The following DGCR2 variants were observed in gnomAD, a reference collection of about 807,000 sequenced individuals.
DGCR2 encodes the protein integral membrane protein DGCR2/IDD.
Under a neutral mutation model 51.6 loss-of-function variants are expected in DGCR2, and 24 were observed. The observed-to-expected ratio is 0.47, with a 90% CI of 0.34 to 0.65. The LOEUF (loss-of-function observed/expected upper bound fraction) is 0.65. Among genes scored for constraint, DGCR2 ranks in the 30% least tolerant of loss-of-function variants. The pLI is 0.01. For synonymous variants in DGCR2, 340 were observed against 315.4 expected, an observed-to-expected ratio of 1.08 and a Z score of -0.82; for missense variants, 765 against 772.1, an observed-to-expected ratio of 0.99 and a Z score of 0.11.
chr22:19,066,536 A>G (rs1056388607), intron 3 of DGCR2, among the ~76,000 whole-genome samples: 3 of 152,240 alleles, frequency 2.0e-5, no homozygotes, highest in African/African-American at 7.2e-5. Context: ...CAATGCATGC[A>G]GCCTGACCAC....
chr22:19,106,499 G>A (rs1328875031), intron 1 of DGCR2, among the ~76,000 whole-genome samples: 10 of 152,248 alleles, frequency 6.6e-5, no homozygotes, highest in East Asian at 3.9e-4. Flanking sequence ...CAGCACCAAC[G>A]ATGCCAGCAT....
At chr22:19,101,419 C>T (rs1439824541) in intron 1 of DGCR2, among the ~76,000 whole-genome samples, 2 of 151,636 alleles carry the variant, frequency 1.3e-5, no homozygotes, top group African/African-American at 4.8e-5. Context: ...CATGGGCAAC[C>T]AAGTAATGGT....
Position 19,108,569 on chromosome 22 carries a change from T to TAAAAAAAAAA in DGCR2, c.79+13549_79+13558dup, listed in dbSNP as rs55803042. On this transcript the variant is annotated intron_variant, in intron 1 of 9. Coordinates refer to ENST00000263196, the MANE Select transcript of DGCR2 (RefSeq NM_005137.3). ...CAGCCTGGGCAACAGAGAATTTATC[T>TAAAAAAAAAA]AAAAAAAAAAAAAAAAAAAAAAAAA... Among the ~76,000 whole-genome samples the TAAAAAAAAAA allele has an allele frequency of 4.7e-4, 43 of 90,762 alleles. 1 individual carries two copies. The highest frequency in any genetic ancestry group is 1.3e-3 in the African/African-American group (35 of 27,024). The allele number at this position is 90,762 out of a possible 152,430, so 59.5% of individuals were successfully genotyped here. A position where few individuals can be genotyped will look rare whatever the true frequency, so the allele number is the denominator to read the frequency against.
intron 2 of DGCR2, among the ~76,000 whole-genome samples, chr22:19,074,374 C>A (rs545776677): frequency 6.7e-5 from 10 of 149,270 alleles, no homozygotes; most frequent in Non-Finnish European, 1.5e-4. Flanking sequence ...GAGCCGAGAT[C>A]GCGCCACTCC....
intron 7 of DGCR2, among the ~76,000 whole-genome samples, chr22:19,042,316 G>A (rs987780228): frequency 6.6e-6 from 1 of 152,230 alleles, no homozygotes; most frequent in African/African-American, 2.4e-5. Context: ...TGTGGCTGGG[G>A]AGCGGCCCTC....
chr22:19,110,567 T>C (rs140923054), intron 1 of DGCR2, among the ~76,000 whole-genome samples: 7 of 152,014 alleles, frequency 4.6e-5, no homozygotes, highest in South Asian at 2.1e-4. Context: ...ATGGCACATG[T>C]ATGCCTATGT....
chr22:19,118,425 C>A (rs956105623), intron 1 of DGCR2, among the ~76,000 whole-genome samples: 2 of 150,164 alleles, frequency 1.3e-5, no homozygotes, highest in African/African-American at 4.9e-5. Flanking sequence ...AGCCAAGGTG[C>A]TGTGTTCACT....
At chr22:19,071,769 A>G (rs1601232897) in intron 2 of DGCR2, among the ~76,000 whole-genome samples, 1 of 152,254 alleles carries the variant, frequency 6.6e-6, no homozygotes, top group East Asian at 1.9e-4. Flanking sequence ...ATTACACAGA[A>G]TAGTACTACA....
At chr22:19,090,921 T>C (rs1007166983) in intron 1 of DGCR2, among the ~76,000 whole-genome samples, 3 of 152,058 alleles carry the variant, frequency 2.0e-5, no homozygotes, top group Non-Finnish European at 2.9e-5. Context: ...ACACTCCAAC[T>C]GAAAGGCAGA....
chr22:19,100,652 C>T (rs971191030), intron 1 of DGCR2, among the ~76,000 whole-genome samples: 3 of 130,722 alleles, frequency 2.3e-5, no homozygotes, highest in Non-Finnish European at 3.2e-5. Context: ...GGCGACAGAG[C>T]GAGACTCCGT....
intron 8 of DGCR2, 52 bp from the exon 9 acceptor site, chr22:19,041,346 G>A: frequency 6.4e-7 from 1 of 1,568,612 alleles, no homozygotes. Flanking sequence ...CTGGGGGCAG[G>A]CTGCCTGGCT....
Position 19,038,819 on chromosome 22 carries a change from A to G in DGCR2, c.*46T>C, listed in dbSNP as rs73384823. On this transcript the variant is annotated 3_prime_UTR_variant, in exon 10 of 10. Transcript: ENST00000263196. ...GTCTCCCCAGGGACCGGTGTTTTCT[A>G]CAACAGACAGGTGCTCCCAGACCGT... 0.013 allele frequency: 21,306 copies of G among 1,589,006 alleles called. 184 individuals carry two copies. The highest frequency in any genetic ancestry group is 0.02 in the Middle Eastern group (119 of 5,940).
At chr22:19,065,276 T>G in intron 3 of DGCR2, 1 of 577,572 alleles carries the variant, frequency 1.7e-6, no homozygotes, top group Non-Finnish European at 3.1e-6. Flanking sequence ...ACAAGTACAT[T>G]CGGTGACTCT....
intron 2 of DGCR2, among the ~76,000 whole-genome samples, chr22:19,069,105 G>A (rs1346596245): frequency 6.6e-6 from 1 of 152,230 alleles, no homozygotes; most frequent in African/African-American, 2.4e-5. Context: ...GTGTCATGAA[G>A]GGCATCGGGT....
intron 6 of DGCR2, among the ~76,000 whole-genome samples, 156 bp from the exon 7 acceptor site, chr22:19,048,799 G>A (rs1016994829): frequency 6.6e-6 from 1 of 152,224 alleles, no homozygotes; most frequent in African/African-American, 2.4e-5. Context: ...GAGGGGGCAT[G>A]TGAGACATGC....
chr22:19,062,798 C>A (rs544448411), intron 5 of DGCR2, among the ~76,000 whole-genome samples: 1 of 148,946 alleles, frequency 6.7e-6, no homozygotes, highest in Non-Finnish European at 1.5e-5. Flanking sequence ...CTCTCTCTCT[C>A]TCTCTCTCTA....
intron 2 of DGCR2, among the ~76,000 whole-genome samples, chr22:19,076,724 A>T (rs112328073): frequency 0.025 from 1,980 of 80,034 alleles, 29 homozygotes; most frequent in African/African-American, 0.034. Context: ...TCCTTTGCAC[A>T]TTTTTTTTTT....
rs187268150 is a variant in DGCR2, at chr22:19,070,963, C to T, written c.203-2738G>A. Among the ~76,000 whole-genome samples, 19 of 152,354 alleles carry T rather than the reference C, an allele frequency of 1.2e-4. No homozygotes were observed. The East Asian group carries it at 2.7e-3, about 22-fold the overall frequency. On this transcript the variant is annotated intron_variant, in intron 2 of 9. Transcript: ENST00000263196. ...AGTCTGGGGGCCAGGCTGGGGAATG[C>T]GCATAGCACAGGACAGAACCCTTAC...
intron 2 of DGCR2, among the ~76,000 whole-genome samples, chr22:19,080,614 T>A (rs554597372): frequency 6.6e-6 from 1 of 152,064 alleles, no homozygotes; most frequent in East Asian, 1.9e-4. Context: ...GGGGGCAGGA[T>A]TGCTAGAGCC....
Sources: gnomAD v4.1 joint callset for allele counts (sites outside exome capture counted in the v4.1 genomes callset) on GRCh38, gnomAD v4.1.1 for gene constraint, MANE v1.5 for transcripts, NCBI Gene and HGNC (gene_info 2026-07-23, HGNC 2026-07-21) for gene names.